Variants in CACNA2D3 observed in about 807,000 individuals in gnomAD.
The protein encoded by CACNA2D3 is voltage-dependent calcium channel subunit alpha-2/delta-3.
A neutral mutation model predicts 160.6 loss-of-function variants in CACNA2D3; 60 were observed. The observed-to-expected ratio is 0.37, with a 90% CI of 0.30 to 0.46. The LOEUF is 0.46. Among genes scored for constraint, CACNA2D3 ranks in the 20% least tolerant of loss-of-function variants. The pLI is 1.00. For missense variants in CACNA2D3, 1,205 were observed against 1,365.0 expected (o/e 0.88, Z 1.85); for synonymous variants, 558 against 492.9 (o/e 1.13, Z -1.75).
chr3:54,169,753 GTGTGTT>G (rs1046004177), intron 2 of CACNA2D3, among the ~76,000 whole-genome samples: 1 of 152,026 alleles, frequency 6.6e-6, no homozygotes, highest in Admixed American at 6.6e-5. Flanking sequence ...GTGCATGTGT[GTGTGTT>G]TGTGTGTGTG....
intron 11 of CACNA2D3, among the ~76,000 whole-genome samples, chr3:54,706,812 T>C (rs1700864471): frequency 6.6e-6 from 1 of 152,202 alleles, no homozygotes; most frequent in South Asian, 2.1e-4. Context: ...ATCCCATGCT[T>C]TGTGGCCAAT....
intron 3 of CACNA2D3, among the ~76,000 whole-genome samples, chr3:54,325,790 G>A (rs1245620714): frequency 2.0e-5 from 3 of 152,140 alleles, no homozygotes; most frequent in Non-Finnish European, 4.4e-5. Flanking sequence ...TGAGCCAATT[G>A]TTTTCAAACC....
intron 10 of CACNA2D3, 28 bp downstream of exon 10, chr3:54,627,904 C>T (rs542244812): frequency 1.4e-5 from 20 of 1,451,530 alleles, no homozygotes; most frequent in East Asian, 1.2e-4. Context: ...TTGCCTTTCT[C>T]ATCCCTTGGA....
chr3:54,792,814 G>T (rs558086200), intron 13 of CACNA2D3, among the ~76,000 whole-genome samples: 1 of 152,070 alleles, frequency 6.6e-6, no homozygotes, highest in Non-Finnish European at 1.5e-5. Context: ...GGCAGGAGTC[G>T]CGTGTCTACC....
intron 5 of CACNA2D3, among the ~76,000 whole-genome samples, chr3:54,541,853 G>A (rs1701984720): frequency 6.6e-6 from 1 of 151,962 alleles, no homozygotes; most frequent in Non-Finnish European, 1.5e-5. Context: ...TTTAGGTGAT[G>A]GTTTCATAGC....
chr3:54,879,499 C>G lies in CACNA2D3; in HGVS notation c.1844+88C>G, dbSNP rs553704916. 4.3e-4 allele frequency: 411 copies of G among 946,688 alleles called. 3 individuals carry two copies. Among genetic ancestry groups the G allele is most frequent in the Non-Finnish European group, 3.4e-4 (211 of 612,198 alleles). 58.6% of individuals were successfully genotyped at this position (946,688 alleles called of 1,614,324 possible). A position where few individuals can be genotyped will look rare whatever the true frequency, so the allele number is the denominator to read the frequency against. On this transcript the variant is annotated intron_variant, in intron 20 of 37. Transcript: ENST00000474759. ...TGCTGACACTCTCAGAGCTCATCAT[C>G]TGAAGATAACCAAACACCCTGCCAA... is the stretch of plus-strand genomic sequence containing the variant.
intron 35 of CACNA2D3, among the ~76,000 whole-genome samples, chr3:55,072,699 G>A (rs149913392): frequency 1.7e-3 from 263 of 152,316 alleles, no homozygotes; most frequent in African/African-American, 6.0e-3. Flanking sequence ...GAAAGAGTCA[G>A]TAGTGTTTTG....
At chr3:54,523,959 G>A (rs536614088) in intron 5 of CACNA2D3, among the ~76,000 whole-genome samples, 115 of 151,634 alleles carry the variant, frequency 7.6e-4, no homozygotes, top group African/African-American at 2.3e-3. Context: ...TTTTGGTTTC[G>A]TTGATTTTCT....
intron 11 of CACNA2D3, among the ~76,000 whole-genome samples, chr3:54,736,074 C>CATATATATATGTATATATATATACAT (rs1220937402): frequency 2.7e-4 from 8 of 29,520 alleles, no homozygotes; most frequent in African/African-American, 8.2e-4. Context: ...TATATATATA[C>CATATATATATGTATATATATATACAT]ATATATATGT....
At chr3:54,455,990 T>C (rs1468061486) in intron 4 of CACNA2D3, among the ~76,000 whole-genome samples, 1 of 152,132 alleles carries the variant, frequency 6.6e-6, no homozygotes, top group African/African-American at 2.4e-5. Context: ...GTATGAAGCC[T>C]CCAGCTTTGT....
At chr3:54,248,526 G>A (rs1702126543) in intron 2 of CACNA2D3, among the ~76,000 whole-genome samples, 1 of 151,694 alleles carries the variant, frequency 6.6e-6, no homozygotes, top group African/African-American at 2.4e-5. Flanking sequence ...AAAAGGTGGG[G>A]CCCTAATCCT....
intron 11 of CACNA2D3, among the ~76,000 whole-genome samples, chr3:54,687,135 G>GTTTTTTTTTTTTT (rs1290353261): frequency 3.4e-5 from 3 of 88,894 alleles, no homozygotes; most frequent in Non-Finnish European, 6.5e-5. Flanking sequence ...TTTTTTTTTT[G>GTTTTTTTTTTTTT]TTTTTTTTTT....
At chr3:54,236,890 T>A (rs1575335343) in intron 2 of CACNA2D3, among the ~76,000 whole-genome samples, 1 of 152,068 alleles carries the variant, frequency 6.6e-6, no homozygotes, top group African/African-American at 2.4e-5. Flanking sequence ...TAGTATATCA[T>A]GCCATTGGCA....
chr3:54,691,403 A>G (rs1360863787), intron 11 of CACNA2D3, among the ~76,000 whole-genome samples: 2 of 152,170 alleles, frequency 1.3e-5, no homozygotes, highest in Non-Finnish European at 2.9e-5. Flanking sequence ...GATATGTGTA[A>G]TCAACAAAGG....
intron 11 of CACNA2D3, among the ~76,000 whole-genome samples, chr3:54,721,693 G>A (rs1304620638): frequency 1.3e-5 from 2 of 150,498 alleles, no homozygotes; most frequent in African/African-American, 4.9e-5. Context: ...CCCAGGAGGT[G>A]GAGTTTGCAG....
intron 4 of CACNA2D3, among the ~76,000 whole-genome samples, chr3:54,497,033 C>CAG (rs1559497907): frequency 6.6e-6 from 1 of 152,116 alleles, no homozygotes; most frequent in Non-Finnish European, 1.5e-5. Flanking sequence ...GGCCCAAAAT[C>CAG]AGAAAATGTG....
At chr3:54,316,073 C>T (rs930061055) in intron 2 of CACNA2D3, among the ~76,000 whole-genome samples, 1 of 93,558 alleles carries the variant, frequency 1.1e-5, no homozygotes, top group Non-Finnish European at 2.7e-5. Context: ...GTCCTCCTAG[C>T]AGGGTGTGTG....
intron 4 of CACNA2D3, among the ~76,000 whole-genome samples, chr3:54,478,411 T>C (rs1700867071): frequency 6.6e-6 from 1 of 151,624 alleles, no homozygotes; most frequent in Non-Finnish European, 1.5e-5. Context: ...GGCGGGAAGA[T>C]CATGAGGTCA....
intron 13 of CACNA2D3, among the ~76,000 whole-genome samples, chr3:54,788,594 C>T (rs1008656743): frequency 6.6e-6 from 1 of 152,126 alleles, no homozygotes; most frequent in Non-Finnish European, 1.5e-5. Flanking sequence ...TATCAGTGAC[C>T]ACACCCCAGA....
Sources: allele counts gnomAD v4.1 joint callset (sites outside exome capture counted in the v4.1 genomes callset), GRCh38; gene constraint gnomAD v4.1.1; transcripts MANE v1.5; gene names NCBI Gene and HGNC (gene_info 2026-07-23, HGNC 2026-07-21).